The following DENND2B variants were observed in gnomAD, a reference collection of about 807,000 sequenced individuals.
DENND2B encodes the protein DENN domain containing 2B.
DENND2B carries 32 observed loss-of-function variants against 116.0 expected under a neutral mutation model. The ratio of observed to expected loss-of-function variants is 0.28; its 90% CI spans 0.21 to 0.37. DENND2B has a LOEUF of 0.37. Ranked by LOEUF, DENND2B falls within the 10% of genes least tolerant of loss-of-function variation. The pLI is 1.00. For synonymous variants in DENND2B, 588 were observed against 583.9 expected, an observed-to-expected ratio of 1.01 and a Z score of -0.10; for missense variants, 1,276 against 1,477.7, an observed-to-expected ratio of 0.86 and a Z score of 2.24.
At chr11:8,801,718 C>T (rs1322378646) in intron 1 of DENND2B, among the ~76,000 whole-genome samples, 1 of 143,452 alleles carries the variant, frequency 7.0e-6, no homozygotes, top group Non-Finnish European at 1.5e-5. Flanking sequence ...ACAAACACTC[C>T]TGAGGCTGGG....
chr11:8,694,692 T>C (rs1292382956), intron 19 of DENND2B: 5 of 455,312 alleles, frequency 1.1e-5, no homozygotes, highest in African/African-American at 1.0e-4. Context: ...GGGGAAAAAA[T>C]GGATGGTGGT....
chr11:8,898,448 C>T (rs2064128463), intron 1 of DENND2B, among the ~76,000 whole-genome samples: 1 of 152,218 alleles, frequency 6.6e-6, no homozygotes, highest in Non-Finnish European at 1.5e-5. Context: ...TAGCTACACA[C>T]TACAGGAAAG....
intron 7 of DENND2B, 87 bp from the exon 8 acceptor site, chr11:8,714,129 G>A: frequency 2.2e-6 from 3 of 1,348,898 alleles, no homozygotes; most frequent in Non-Finnish European, 2.1e-6. Context: ...TTCTCACAGG[G>A]GATGGATCTC....
At chr11:8,694,172 C>G in intron 19 of DENND2B, 42 bp from the exon 20 acceptor site, 1 of 1,611,366 alleles carries the variant, frequency 6.2e-7, no homozygotes, top group South Asian at 1.1e-5. Flanking sequence ...CAGTGTTATC[C>G]CTTCCAACCT....
chr11:8,780,241 G>T (rs554488158), intron 1 of DENND2B, among the ~76,000 whole-genome samples: 151 of 152,212 alleles, frequency 9.9e-4, no homozygotes, highest in Non-Finnish European at 1.7e-3. Context: ...CATCCTCAAG[G>T]AGCTTCCACT....
intron 4 of DENND2B, among the ~76,000 whole-genome samples, chr11:8,824,484 G>A (rs2061894044): frequency 6.6e-6 from 1 of 152,114 alleles, no homozygotes; most frequent in Non-Finnish European, 1.5e-5. Context: ...AGTTTGCTAA[G>A]GATAGTGGCC....
intron 1 of DENND2B, among the ~76,000 whole-genome samples, chr11:8,783,822 G>A (rs562484374): frequency 2.6e-5 from 4 of 152,264 alleles, no homozygotes; most frequent in East Asian, 1.9e-4. Flanking sequence ...AAGCTCTACC[G>A]AAACGAAGAG....
intron 1 of DENND2B, chr11:8,807,826 T>A (rs1210141827): frequency 6.6e-6 from 1 of 152,110 alleles, no homozygotes; most frequent in Non-Finnish European, 1.5e-5. Context: ...AGCTGCTTGT[T>A]TTGTTTCATT....
intron 1 of DENND2B, among the ~76,000 whole-genome samples, chr11:8,892,329 T>G (rs1185863247): frequency 2.0e-5 from 3 of 151,752 alleles, no homozygotes; most frequent in Non-Finnish European, 1.5e-5. Flanking sequence ...ACATCACAAT[T>G]AAAAGAACTA....
At chr11:8,817,561 G>C (rs369232577) in intron 4 of DENND2B, among the ~76,000 whole-genome samples, 1 of 152,194 alleles carries the variant, frequency 6.6e-6, no homozygotes, top group East Asian at 1.9e-4. Context: ...CTGAACTAGG[G>C]AAGTGTGGAA....
Position 8,699,426 on chromosome 11 carries a change from C to T in DENND2B, c.2721-36G>A, listed in dbSNP as rs11825158. 8.8e-4 allele frequency: 1,375 copies of T among 1,555,512 alleles called. 15 individuals carry two copies. In the African/African-American group the frequency reaches 0.017, roughly 19 times the overall value. Reference sequence around the variant, plus strand: ...GACAGAGAGACAGAGTACCTGAGCCCAGGCCCAGGAACTTAGAGCTCGCTG... The same window carrying T: ...GACAGAGAGACAGAGTACCTGAGCCTAGGCCCAGGAACTTAGAGCTCGCTG... On this transcript the variant is annotated intron_variant, in intron 14 of 19. Coordinates refer to ENST00000313726, the MANE Select transcript of DENND2B (RefSeq NM_213618.2).
At chr11:8,706,941 T>C (rs1178352899) in intron 13 of DENND2B, 144 bp downstream of exon 13, 7 of 1,052,910 alleles carry the variant, frequency 6.6e-6, no homozygotes, top group Admixed American at 5.9e-5. Context: ...TTTGCTCTTT[T>C]GGTCCCTAGT....
At chr11:8,708,330 C>A (rs1270834217) in intron 11 of DENND2B, 1 of 985,318 alleles carries the variant, frequency 1.0e-6, no homozygotes. Context: ...TGATCCACCT[C>A]CATTCTAAGA....
At chr11:8,896,587 T>C (rs1217805337) in intron 1 of DENND2B, among the ~76,000 whole-genome samples, 1 of 152,242 alleles carries the variant, frequency 6.6e-6, no homozygotes, top group Non-Finnish European at 1.5e-5. Context: ...ACTTCGGTTT[T>C]TTCAACTTTA....
intron 2 of DENND2B, among the ~76,000 whole-genome samples, chr11:8,739,336 T>A (rs1397928406): frequency 6.6e-6 from 1 of 152,168 alleles, no homozygotes; most frequent in Non-Finnish European, 1.5e-5. Context: ...GTCCCATCAC[T>A]TTCTGGGTGT....
chr11:8,750,672 C>G lies in DENND2B; in HGVS notation c.29G>C (p.Ser10Thr). 6.2e-7 allele frequency: 1 copy of G among 1,614,186 alleles called. No homozygotes were observed. Among genetic ancestry groups the G allele is most frequent in the African/African-American group, 1.3e-5 (1 of 75,058 alleles). The stretch of plus-strand genomic sequence containing the variant: ...AGTGCCACCAGCTCCGTGGGTGATG[C>G]TGGAATTCTTGTTGGCAGTCATGGT... MTMTANKNSSITHGAGGTKA... is the reference protein window; with the variant it reads MTMTANKNSTITHGAGGTKA... Residue 10 changes from serine to threonine, a missense_variant, in exon 2 of 20, where the codon AGC becomes ACC. Physicochemically the swap from Ser to Thr is moderately conservative, Grantham distance 58 (BLOSUM62 1). Coordinates refer to ENST00000313726, the MANE Select transcript of DENND2B (RefSeq NM_213618.2).
chr11:8,889,950 T>A (rs914360092), intron 1 of DENND2B, among the ~76,000 whole-genome samples: 2 of 152,298 alleles, frequency 1.3e-5, no homozygotes, highest in Admixed American at 6.5e-5. Context: ...CCTCCTCAAG[T>A]GGATCCCTGA....
intron 1 of DENND2B, among the ~76,000 whole-genome samples, chr11:8,754,029 G>GCGCGCGCGCACACACACACA (rs146486674): frequency 3.6e-5 from 5 of 138,734 alleles, no homozygotes; most frequent in African/African-American, 1.4e-4. Context: ...CCAAAAGCGC[G>GCGCGCGCGCACACACACACA]CACACACACA....
intron 1 of DENND2B, among the ~76,000 whole-genome samples, chr11:8,774,811 C>A (rs1009805183): frequency 2.0e-4 from 30 of 151,774 alleles, no homozygotes; most frequent in African/African-American, 6.5e-4. Context: ...CCTGGGGAGA[C>A]TGAGATGAGT....
Sources: gnomAD v4.1 joint callset for allele counts (sites outside exome capture counted in the v4.1 genomes callset) on GRCh38, gnomAD v4.1.1 for gene constraint, MANE v1.5 for transcripts, NCBI Gene and HGNC (gene_info 2026-07-23, HGNC 2026-07-21) for gene names.